Variants in CHD6 observed in about 807,000 individuals in gnomAD.
The protein encoded by CHD6 is chromodomain helicase DNA binding protein 6, also known as ATP-dependent chromatin remodeler CHD6.
Under a neutral mutation model 276.9 loss-of-function variants are expected in CHD6, and 50 were observed. The ratio of observed to expected loss-of-function variants is 0.18; its 90% CI spans 0.14 to 0.23. CHD6 has a LOEUF of 0.23. Ranked by LOEUF, CHD6 falls within the 10% of genes least tolerant of loss-of-function variation. The probability of loss-of-function intolerance (pLI) is 1.00; values close to 1 mark genes in which losing one functional copy is unlikely to be tolerated. For missense variants in CHD6, 2,564 were observed against 3,365.8 expected, an observed-to-expected ratio of 0.76 and a Z score of 5.89; for synonymous variants, 1,173 against 1,229.3, an observed-to-expected ratio of 0.95 and a Z score of 0.96.
intron 11 of CHD6, among the ~76,000 whole-genome samples, chr20:41,490,299 G>A (rs2043517583): frequency 6.6e-6 from 1 of 152,078 alleles, no homozygotes; most frequent in Admixed American, 6.5e-5. Context: ...TTTCATTGTG[G>A]GAACATCATA....
chr20:41,415,056 G>A, intron 34 of CHD6, 130 bp downstream of exon 34: 1 of 1,470,510 alleles, frequency 6.8e-7, no homozygotes, highest in Non-Finnish European at 9.0e-7. Flanking sequence ...ATCTTATAAT[G>A]AGAGAAAATA....
In CHD6 at chr20:41,421,081, T is replaced by C. The variant is rs758198406; in HGVS notation, c.5554A>G (p.Ser1852Gly). The C allele has an allele frequency of 2.5e-6, 4 of 1,614,136 alleles. No individual in the cohort carries two copies. The South Asian group carries it at 3.3e-5, about 13-fold the overall frequency. The change falls in exon 31 of 37, where the codon AGC becomes GGC. Residue 1852 changes from serine (S) to glycine (G), a missense_variant. Ser to Gly is a moderately conservative substitution (Grantham distance 56, BLOSUM62 0). Around this residue, in one of 7 missense-constraint regions of CHD6, gnomAD observed 1,024 missense variants for 1,047.9 expected, o/e 0.98. Transcript: ENST00000373233. ...CTCAAAATCAATTTACTTTCTAAGC[T>C]TTTGTTTTCCAATAAATCAATTAAT... ...QQLIDLLENK[S>G]LESKLILSQN... is the part of the protein sequence containing the mutation.
chr20:41,547,876 A>C (rs1048715096), intron 2 of CHD6: 3 of 369,058 alleles, frequency 8.1e-6, no homozygotes, highest in Non-Finnish European at 1.6e-5. Context: ...CACCCTCATG[A>C]CATCATGGAT....
intron 19 of CHD6, among the ~76,000 whole-genome samples, chr20:41,455,452 C>T (rs77885166): frequency 6.6e-6 from 1 of 152,216 alleles, no homozygotes; most frequent in Non-Finnish European, 1.5e-5. Flanking sequence ...AGCTTCCACT[C>T]TCTATCAGTG....
intron 2 of CHD6, among the ~76,000 whole-genome samples, chr20:41,534,999 C>T (rs2146083243): frequency 6.6e-6 from 1 of 152,170 alleles, no homozygotes; most frequent in East Asian, 1.9e-4. Context: ...GCCTGGCCCT[C>T]AAGGAACAAG....
At chr20:41,468,421 C>G (rs2042979504) in intron 17 of CHD6, among the ~76,000 whole-genome samples, 1 of 152,080 alleles carries the variant, frequency 6.6e-6, no homozygotes, top group Admixed American at 6.6e-5. Context: ...CAACTTCCAT[C>G]ATTCTTATCC....
In CHD6 at chr20:41,404,563, G is replaced by C. The variant is rs769676749; in HGVS notation, c.*30C>G. The C allele has an allele frequency of 6.8e-7, 1 of 1,472,380 alleles. No individual in the cohort carries two copies. Among genetic ancestry groups the C allele is most frequent in the Non-Finnish European group, 9.0e-7 (1 of 1,110,026 alleles). The allele number at this position is 1,472,380 out of a possible 1,614,324, so 91.2% of individuals were successfully genotyped here. A position where few individuals can be genotyped will look rare whatever the true frequency, so the allele number is the denominator to read the frequency against. ...CCTTTATGGGATAAGAAACTTACAA[G>C]TCACAATAATTTCTTAAATGAAAAA... On this transcript the variant is annotated 3_prime_UTR_variant, in exon 37 of 37. Transcript: ENST00000373233.
intron 5 of CHD6, among the ~76,000 whole-genome samples, chr20:41,507,389 A>ATT (rs11306578): frequency 2.7e-5 from 4 of 147,430 alleles, no homozygotes; most frequent in Admixed American, 2.7e-4. Flanking sequence ...TAAAATTTCA[A>ATT]TTTTTTTTTT....
At chr20:41,540,997 A>G (rs2146108937) in intron 2 of CHD6, among the ~76,000 whole-genome samples, 1 of 151,194 alleles carries the variant, frequency 6.6e-6, no homozygotes, top group South Asian at 2.1e-4. Flanking sequence ...ATTTTTTTTA[A>G]AACAGGCATT....
At chr20:41,520,676 C>CG in intron 3 of CHD6, among the ~76,000 whole-genome samples, 1 of 73,604 alleles carries the variant, frequency 1.4e-5, no homozygotes, top group Non-Finnish European at 2.7e-5. Flanking sequence ...GTTGTGGGGT[C>CG]GGGGGAGGGG....
intron 1 of CHD6, among the ~76,000 whole-genome samples, chr20:41,553,242 C>A (rs544311055): frequency 6.6e-6 from 1 of 152,190 alleles, no homozygotes; most frequent in East Asian, 1.9e-4. Flanking sequence ...ATAAGACATA[C>A]GTGTAGAAAG....
At chr20:41,548,604 A>G (rs1427073278) in intron 2 of CHD6, among the ~76,000 whole-genome samples, 1 of 152,238 alleles carries the variant, frequency 6.6e-6, no homozygotes, top group African/African-American at 2.4e-5. Flanking sequence ...CATGTCTAAA[A>G]CACCAAAAGC....
intron 24 of CHD6, among the ~76,000 whole-genome samples, chr20:41,446,446 C>T (rs1292808751): frequency 2.0e-5 from 3 of 151,552 alleles, no homozygotes; most frequent in African/African-American, 7.3e-5. Context: ...GTTTCTGTAA[C>T]GTGTTTGGAG....
intron 1 of CHD6, among the ~76,000 whole-genome samples, chr20:41,579,546 C>T (rs1043879074): frequency 6.6e-6 from 1 of 151,940 alleles, no homozygotes; most frequent in Non-Finnish European, 1.5e-5. Context: ...CTGCAGAAGG[C>T]CTACATCTGT....
Position 41,403,191 on chromosome 20 carries a change from T to C in CHD6, c.*1402A>G. On this transcript the variant is annotated 3_prime_UTR_variant, in exon 37 of 37. Coordinates refer to ENST00000373233, the MANE Select transcript of CHD6 (RefSeq NM_032221.5). ...CAGAAAAAGTAAAAAATACAGTAAA[T>C]TGTGACAACAAAAAGTGAAACTGGT... 1 of 909,268 alleles carries C rather than the reference T, an allele frequency of 1.1e-6. No individual in the cohort carries two copies. Among genetic ancestry groups the C allele is most frequent in the Non-Finnish European group, 1.4e-6 (1 of 738,450 alleles). The allele number at this position is 909,268 out of a possible 1,614,324, so 56.3% of individuals were successfully genotyped here.
intron 26 of CHD6, among the ~76,000 whole-genome samples, chr20:41,439,234 T>C (rs1430777683): frequency 6.6e-6 from 1 of 152,016 alleles, no homozygotes; most frequent in East Asian, 1.9e-4. Context: ...CACGTGCCTG[T>C]AGTTCCAGCT....
chr20:41,426,268 G>T (rs917550232), intron 27 of CHD6, 115 bp from the exon 28 acceptor site: 3 of 780,048 alleles, frequency 3.8e-6, no homozygotes, highest in African/African-American at 3.4e-5. Context: ...CCCTGCCCAT[G>T]AACAACTCAG....
intron 3 of CHD6, among the ~76,000 whole-genome samples, chr20:41,527,849 A>T (rs2044581836): frequency 6.6e-6 from 1 of 152,210 alleles, no homozygotes; most frequent in African/African-American, 2.4e-5. Flanking sequence ...CTCTGGACTC[A>T]TGAATGGATG....
Position 41,483,350 on chromosome 20 carries a change from C to T in CHD6, c.2427G>A (p.Val809=), listed in dbSNP as rs61753663. The change falls in exon 16 of 37, where the codon GTG becomes GTA. Residue 809 remains valine (V), a synonymous_variant. Transcript: ENST00000373233. Reference sequence around the variant, plus strand: ...AATCTTCTAGGATGTCGAGGCAGCGCACCATCTGGGAGAAGATGAGTACTT... The same window carrying T: ...AATCTTCTAGGATGTCGAGGCAGCGTACCATCTGGGAGAAGATGAGTACTT... The part of the protein sequence containing the change: ...GHKVLIFSQM[V]RCLDILEDYL... The T allele has an allele frequency of 2.7e-5, 44 of 1,613,746 alleles. No individual in the cohort carries two copies. The highest frequency in any genetic ancestry group is 3.6e-5 in the Non-Finnish European group (43 of 1,179,782).
Sources: allele counts gnomAD v4.1 joint callset (sites outside exome capture counted in the v4.1 genomes callset), GRCh38; gene constraint gnomAD v4.1.1; regional missense constraint gnomAD v4.1.1; transcripts MANE v1.5; gene names NCBI Gene and HGNC (gene_info 2026-07-23, HGNC 2026-07-21).